The following CSMD1 variants were observed in gnomAD, a reference collection of about 807,000 sequenced individuals.
CSMD1 encodes CUB and sushi domain-containing protein 1.
CSMD1 carries 213 observed loss-of-function variants against 417.5 expected under a neutral mutation model. That is an observed-to-expected ratio of 0.51 (90% CI 0.46 to 0.57). The LOEUF (loss-of-function observed/expected upper bound fraction) is 0.57, where lower values mean the gene tolerates loss of function less well. Among genes scored for constraint, CSMD1 ranks in the 20% least tolerant of loss-of-function variants. The probability of loss-of-function intolerance (pLI) is 0.00; values close to 1 mark genes in which losing one functional copy is unlikely to be tolerated. For missense variants in CSMD1, 6,923 were observed against 4,529.7 expected (o/e 1.53, Z -15.17); for synonymous variants, 2,862 against 1,736.8 (o/e 1.65, Z -16.11).
chr8:4,446,773 G>C (rs541429066), intron 2 of CSMD1, among the ~76,000 whole-genome samples: 24 of 146,082 alleles, frequency 1.6e-4, no homozygotes, highest in South Asian at 4.5e-4. Flanking sequence ...GTGTGTGTGT[G>C]TGTGTGTGTG....
chr8:3,808,894 T>C (rs757016510), intron 5 of CSMD1, among the ~76,000 whole-genome samples: 1 of 152,140 alleles, frequency 6.6e-6, no homozygotes, highest in African/African-American at 2.4e-5. Flanking sequence ...TATCAGGGAT[T>C]TTAAACTTCT....
intron 2 of CSMD1, among the ~76,000 whole-genome samples, chr8:4,531,864 G>C (rs1233301889): frequency 6.6e-6 from 1 of 151,798 alleles, no homozygotes; most frequent in Non-Finnish European, 1.5e-5. Context: ...ACCGCATTCA[G>C]TCACTCCGGA....
chr8:4,156,922 T>G (rs1414004454), intron 3 of CSMD1, among the ~76,000 whole-genome samples: 1 of 152,148 alleles, frequency 6.6e-6, no homozygotes, highest in East Asian at 1.9e-4. Context: ...CGGACATTTG[T>G]GAGGGTTACG....
At chr8:3,904,946 G>A (rs545923426) in intron 5 of CSMD1, among the ~76,000 whole-genome samples, 124 of 152,106 alleles carry the variant, frequency 8.2e-4, no homozygotes, top group Middle Eastern at 3.4e-3. Flanking sequence ...CCCAAAATAC[G>A]TATTTTCCTT....
chr8:4,585,549 A>C lies in CSMD1; in HGVS notation c.302+51793T>G, dbSNP rs17070690. Among the ~76,000 whole-genome samples, 130 of 152,256 alleles carry C rather than the reference A, an allele frequency of 8.5e-4. 3 individuals are homozygous for C. Among genetic ancestry groups the C allele is most frequent in the African/African-American group, 3.0e-3 (125 of 41,564 alleles). On this transcript the variant is annotated intron_variant, in intron 2 of 69. Coordinates refer to ENST00000635120, the MANE Select transcript of CSMD1 (RefSeq NM_033225.6). ...GATAATTTACTGTAACTGATTAGAGACTTTGAGCAGAAGTGAAAAGGTAGA... is the reference window on the plus strand; with the variant it reads ...GATAATTTACTGTAACTGATTAGAGCCTTTGAGCAGAAGTGAAAAGGTAGA...
At chr8:3,607,528 C>G (rs533104737) in intron 8 of CSMD1, among the ~76,000 whole-genome samples, 2 of 152,268 alleles carry the variant, frequency 1.3e-5, no homozygotes, top group South Asian at 4.1e-4. Context: ...TGTCTTACAT[C>G]AAGACTGCCG....
chr8:3,918,715 T>G (rs10093777), intron 5 of CSMD1, among the ~76,000 whole-genome samples: 1 of 151,952 alleles, frequency 6.6e-6, no homozygotes, highest in South Asian at 2.1e-4. Context: ...AATGAATTAA[T>G]GGCATTTGCA....
At chr8:4,133,111 T>C (rs1803210297) in intron 3 of CSMD1, among the ~76,000 whole-genome samples, 1 of 152,212 alleles carries the variant, frequency 6.6e-6, no homozygotes, top group South Asian at 2.1e-4. Context: ...AATTTTTCTG[T>C]ATTTTTAGTA....
intron 7 of CSMD1, among the ~76,000 whole-genome samples, chr8:3,691,465 T>G (rs530220448): frequency 1.5e-4 from 23 of 152,166 alleles, no homozygotes; most frequent in Admixed American, 6.5e-4. Context: ...TGCAACACAG[T>G]CTGTAATTTC....
chr8:4,453,216 GACAC>G (rs71207090), intron 2 of CSMD1, among the ~76,000 whole-genome samples: 18,968 of 149,066 alleles, frequency 0.13, 1,219 homozygotes, highest in Middle Eastern at 0.15. Flanking sequence ...CACACACAGA[GACAC>G]ACACACACAC....
intron 18 of CSMD1, among the ~76,000 whole-genome samples, chr8:3,387,085 G>C (rs547959290): frequency 1.0e-3 from 154 of 152,310 alleles, no homozygotes; most frequent in African/African-American, 3.2e-3. Context: ...TAGACATTCA[G>C]TCCACGGAAA....
At chr8:3,782,927 T>A (rs953426069) in intron 5 of CSMD1, among the ~76,000 whole-genome samples, 2 of 152,296 alleles carry the variant, frequency 1.3e-5, no homozygotes, top group Middle Eastern at 6.8e-3. Context: ...TGGTTAAAAA[T>A]ACATGGCAAG....
chr8:2,949,395 T>C lies in CSMD1; in HGVS notation c.10315-9A>G, dbSNP rs539190756. On this transcript the variant is annotated splice_polypyrimidine_tract_variant and intron_variant, in intron 67 of 69. Coordinates refer to ENST00000635120, the MANE Select transcript of CSMD1 (RefSeq NM_033225.6). ...TCAAGTCCAGATGACACCTGACACA[T>C]AGGAAAGAAAAGAAAAGAAATAAAA... is the stretch of plus-strand genomic sequence containing the variant. The C allele has an allele frequency of 1.5e-5, 11 of 729,274 alleles. No individual in the cohort carries two copies. Among genetic ancestry groups the C allele is most frequent in the East Asian group, 3.4e-5 (1 of 29,746 alleles). The allele number at this position is 729,274 out of a possible 1,614,324, so 45.2% of individuals were successfully genotyped here.
At chr8:3,098,372 G>A (rs1256473539) in intron 46 of CSMD1, among the ~76,000 whole-genome samples, 1 of 152,120 alleles carries the variant, frequency 6.6e-6, no homozygotes, top group African/African-American at 2.4e-5. Flanking sequence ...TCAAGTAACT[G>A]CCTTTTGAAA....
chr8:3,981,928 T>G (rs1310738114), intron 5 of CSMD1, among the ~76,000 whole-genome samples: 1 of 152,142 alleles, frequency 6.6e-6, no homozygotes, highest in South Asian at 2.1e-4. Context: ...TCCCGGCACT[T>G]TGGGAGGCCG....
intron 3 of CSMD1, among the ~76,000 whole-genome samples, chr8:4,242,418 T>C (rs1802455634): frequency 6.6e-6 from 1 of 152,134 alleles, no homozygotes; most frequent in Non-Finnish European, 1.5e-5. Context: ...GAGAAAAGGA[T>C]AAAATGTATC....
At chr8:4,403,997 A>G (rs1804837895) in intron 3 of CSMD1, among the ~76,000 whole-genome samples, 1 of 152,166 alleles carries the variant, frequency 6.6e-6, no homozygotes, top group African/African-American at 2.4e-5. Context: ...AGGTCAACCA[A>G]TCAATTAGCA....
At chr8:4,895,002 G>C (rs927527694) in intron 1 of CSMD1, among the ~76,000 whole-genome samples, 1 of 152,144 alleles carries the variant, frequency 6.6e-6, no homozygotes, top group Non-Finnish European at 1.5e-5. Flanking sequence ...CCTTCGGCAA[G>C]TAACTTCACT....
intron 1 of CSMD1, among the ~76,000 whole-genome samples, chr8:4,870,764 C>T (rs745932579): frequency 6.6e-6 from 1 of 152,144 alleles, no homozygotes; most frequent in Non-Finnish European, 1.5e-5. Flanking sequence ...TCCATTCAGG[C>T]TGAGCAGAAC....
Sources: gnomAD v4.1 joint callset for allele counts (sites outside exome capture counted in the v4.1 genomes callset) on GRCh38, gnomAD v4.1.1 for gene constraint, MANE v1.5 for transcripts, NCBI Gene and HGNC (gene_info 2026-07-23, HGNC 2026-07-21) for gene names.